CTNNA3: variants seen among roughly 807,000 people sequenced by gnomAD.
CTNNA3 encodes catenin alpha-3.
Under a neutral mutation model 95.7 loss-of-function variants are expected in CTNNA3, and 76 were observed. That is an observed-to-expected ratio of 0.79 (90% CI 0.66 to 0.96). The LOEUF is 0.96. Among genes scored for constraint, CTNNA3 ranks in the 40% least tolerant of loss-of-function variants. The probability of loss-of-function intolerance (pLI) is 0.00; values close to 1 mark genes in which losing one functional copy is unlikely to be tolerated. For missense variants in CTNNA3, 1,191 were observed against 1,089.8 expected (o/e 1.09, Z -1.31); for synonymous variants, 431 against 374.4 (o/e 1.15, Z -1.74).
At chr10:66,919,579 A>C (rs1393742185) in intron 7 of CTNNA3, among the ~76,000 whole-genome samples, 2 of 152,142 alleles carry the variant, frequency 1.3e-5, no homozygotes. Context: ...TCATTCATTA[A>C]ATTTGTCTTT....
At chr10:67,119,767 G>A (rs1293439513) in intron 7 of CTNNA3, among the ~76,000 whole-genome samples, 1 of 151,838 alleles carries the variant, frequency 6.6e-6, no homozygotes, top group Non-Finnish European at 1.5e-5. Flanking sequence ...TTAAACATCA[G>A]CAAATTTAAT....
intron 13 of CTNNA3, among the ~76,000 whole-genome samples, chr10:66,108,405 T>C (rs2081989643): frequency 6.6e-6 from 1 of 152,062 alleles, no homozygotes; most frequent in Non-Finnish European, 1.5e-5. Flanking sequence ...ACTCTTTGTG[T>C]CTTTCTATTT....
chr10:66,109,759 A>G (rs2082046990), intron 13 of CTNNA3, among the ~76,000 whole-genome samples: 1 of 152,256 alleles, frequency 6.6e-6, no homozygotes, highest in South Asian at 2.1e-4. Flanking sequence ...AGAAGATATC[A>G]GAAAATGTAT....
At chr10:66,906,365 A>G (rs1302819234) in intron 7 of CTNNA3, among the ~76,000 whole-genome samples, 1 of 152,192 alleles carries the variant, frequency 6.6e-6, no homozygotes. Context: ...GATCAGAGGA[A>G]AATTTTAAGC....
intron 5 of CTNNA3, among the ~76,000 whole-genome samples, chr10:67,274,549 C>G (rs193136521): frequency 6.6e-6 from 1 of 152,192 alleles, no homozygotes; most frequent in Non-Finnish European, 1.5e-5. Context: ...AGGAGATGGC[C>G]TGGCGCAGTG....
chr10:66,660,090 G>A (rs937964249), intron 9 of CTNNA3, among the ~76,000 whole-genome samples: 4 of 151,836 alleles, frequency 2.6e-5, no homozygotes, highest in East Asian at 1.9e-4. Flanking sequence ...CCAAATTGCC[G>A]GTATTACAAG....
At chr10:66,406,620 A>G (rs1315219893) in intron 11 of CTNNA3, among the ~76,000 whole-genome samples, 1 of 152,164 alleles carries the variant, frequency 6.6e-6, no homozygotes, top group African/African-American at 2.4e-5. Context: ...AAATGACACA[A>G]AGAGATAATT....
chr10:67,057,126 A>C (rs1855482725), intron 7 of CTNNA3, among the ~76,000 whole-genome samples: 1 of 152,198 alleles, frequency 6.6e-6, no homozygotes, highest in Admixed American at 6.6e-5. Context: ...AATTTTGGGA[A>C]ATCTTCTTTT....
intron 10 of CTNNA3, among the ~76,000 whole-genome samples, chr10:66,582,657 A>G (rs1843227799): frequency 2.0e-5 from 3 of 151,798 alleles, no homozygotes; most frequent in South Asian, 2.1e-4. Context: ...TGCTCTGGCT[A>G]GGATTCCCTG....
At chr10:67,683,913 C>T (rs1043860137) in intron 1 of CTNNA3, among the ~76,000 whole-genome samples, 3 of 152,168 alleles carry the variant, frequency 2.0e-5, no homozygotes, top group East Asian at 1.9e-4. Flanking sequence ...GTCTCGCTCA[C>T]GTCAGGAATG....
At chr10:66,166,836 T>A (rs1215332047) in intron 13 of CTNNA3, among the ~76,000 whole-genome samples, 1 of 152,160 alleles carries the variant, frequency 6.6e-6, no homozygotes, top group Non-Finnish European at 1.5e-5. Context: ...AGAAAAATAT[T>A]CAATGTGTCC....
At chr10:66,641,954 G>T (rs947806443) in intron 9 of CTNNA3, among the ~76,000 whole-genome samples, 2 of 152,080 alleles carry the variant, frequency 1.3e-5, no homozygotes, top group East Asian at 3.9e-4. Flanking sequence ...CCATAAAAAT[G>T]GCAATTCTAA....
intron 1 of CTNNA3, among the ~76,000 whole-genome samples, chr10:67,693,998 C>T (rs142854485): frequency 2.0e-5 from 3 of 152,284 alleles, no homozygotes; most frequent in Non-Finnish European, 2.9e-5. Context: ...TCTCCAAATA[C>T]TTCTAATTTC....
intron 9 of CTNNA3, among the ~76,000 whole-genome samples, chr10:66,763,049 G>C (rs1395344884): frequency 6.6e-6 from 1 of 152,026 alleles, no homozygotes; most frequent in Non-Finnish European, 1.5e-5. Context: ...GAGTGTATGT[G>C]CATGTCTGTG....
chr10:67,123,560 A>T (rs1859570044), intron 7 of CTNNA3, among the ~76,000 whole-genome samples: 1 of 151,892 alleles, frequency 6.6e-6, no homozygotes, highest in Non-Finnish European at 1.5e-5. Flanking sequence ...ATCTGAACAC[A>T]TTTTCTTTAA....
intron 15 of CTNNA3, among the ~76,000 whole-genome samples, chr10:65,993,238 T>C (rs1162841977): frequency 6.6e-6 from 1 of 152,232 alleles, no homozygotes; most frequent in Non-Finnish European, 1.5e-5. Context: ...AAATGTTCTG[T>C]AGATTGGCCT....
At chr10:66,637,042 T>C (rs146876578) in intron 9 of CTNNA3, among the ~76,000 whole-genome samples, 13 of 152,294 alleles carry the variant, frequency 8.5e-5, no homozygotes, top group African/African-American at 3.1e-4. Flanking sequence ...AATTGAATTG[T>C]TTAATAAAAC....
intron 5 of CTNNA3, among the ~76,000 whole-genome samples, chr10:67,319,896 CA>C (rs11418140): frequency 0.02 from 2,016 of 102,838 alleles, 35 homozygotes; most frequent in African/African-American, 0.072. Flanking sequence ...GACTCAGTCT[CA>C]AAAAAAAAAA....
chr10:67,554,783 CTT>C (rs1228591505), intron 3 of CTNNA3, among the ~76,000 whole-genome samples: 5 of 152,122 alleles, frequency 3.3e-5, no homozygotes, highest in Admixed American at 2.0e-4. Flanking sequence ...TCAATTTTGG[CTT>C]TTGTTGCCAT....
Sources: allele counts gnomAD v4.1 joint callset (sites outside exome capture counted in the v4.1 genomes callset), GRCh38; gene constraint gnomAD v4.1.1; transcripts MANE v1.5; gene names NCBI Gene and HGNC (gene_info 2026-07-23, HGNC 2026-07-21).